CATSPERB: variants seen among roughly 807,000 people sequenced by gnomAD.
The protein encoded by CATSPERB is catsper channel auxiliary subunit beta.
CATSPERB carries 93 observed loss-of-function variants against 128.3 expected under a neutral mutation model. The ratio of observed to expected loss-of-function variants is 0.72; its 90% CI spans 0.61 to 0.86. The LOEUF (loss-of-function observed/expected upper bound fraction) is 0.86, where lower values mean the gene tolerates loss of function less well. CATSPERB is among the 40% of genes least tolerant of loss of function. The pLI is 0.00. For missense variants in CATSPERB, 1,153 were observed against 1,329.5 expected, an observed-to-expected ratio of 0.87 and a Z score of 2.06; for synonymous variants, 381 against 448.8, an observed-to-expected ratio of 0.85 and a Z score of 1.91.
At chr14:91,666,253 C>G (rs892411726) in intron 14 of CATSPERB, among the ~76,000 whole-genome samples, 2 of 152,228 alleles carry the variant, frequency 1.3e-5, no homozygotes. Flanking sequence ...ACTGGCTTAT[C>G]CTTGCCCTAA....
At chr14:91,705,369 G>A (rs544094992) in intron 6 of CATSPERB, among the ~76,000 whole-genome samples, 13 of 152,314 alleles carry the variant, frequency 8.5e-5, no homozygotes, top group East Asian at 5.8e-4. Context: ...AGTAGCAGTG[G>A]TGAACAGGGA....
intron 16 of CATSPERB, among the ~76,000 whole-genome samples, chr14:91,638,732 T>C (rs1894428857): frequency 6.6e-6 from 1 of 152,138 alleles, no homozygotes; most frequent in Admixed American, 6.5e-5. Flanking sequence ...TCACAACCCA[T>C]GTTTCTTCAG....
intron 26 of CATSPERB, among the ~76,000 whole-genome samples, chr14:91,581,405 A>AATGGGC (rs2139751111): frequency 6.6e-6 from 1 of 152,340 alleles, no homozygotes; most frequent in African/African-American, 2.4e-5. Flanking sequence ...GTCTCAGAGG[A>AATGGGC]ATGGGCAAAG....
intron 14 of CATSPERB, among the ~76,000 whole-genome samples, chr14:91,661,686 C>T (rs561744825): frequency 4.6e-5 from 7 of 151,934 alleles, no homozygotes; most frequent in Non-Finnish European, 8.8e-5. Flanking sequence ...GCATAAGCCA[C>T]CATGCCCGGC....
At chr14:91,695,073 A>G (rs1426968281) in intron 7 of CATSPERB, among the ~76,000 whole-genome samples, 2 of 152,128 alleles carry the variant, frequency 1.3e-5, no homozygotes, top group African/African-American at 4.8e-5. Context: ...GAGGAAAACT[A>G]AAGACAAACT....
chr14:91,689,847 T>C (rs937462324), intron 10 of CATSPERB, among the ~76,000 whole-genome samples: 8 of 152,212 alleles, frequency 5.3e-5, no homozygotes, highest in African/African-American at 1.9e-4. Flanking sequence ...TCTTAACTTA[T>C]TCCCCATATT....
chr14:91,714,277 C>CAAAAAAAAAAAAAAAAA (rs35951126), intron 5 of CATSPERB, among the ~76,000 whole-genome samples: 8 of 111,268 alleles, frequency 7.2e-5, no homozygotes, highest in Non-Finnish European at 1.3e-4. Flanking sequence ...TACAATAAGG[C>CAAAAAAAAAAAAAAAAA]AAAAAAAAAA....
At chr14:91,728,020 A>C (rs1282876176) in intron 2 of CATSPERB, among the ~76,000 whole-genome samples, 1 of 152,210 alleles carries the variant, frequency 6.6e-6, no homozygotes, top group African/African-American at 2.4e-5. Context: ...CCCTGCAGAC[A>C]ACCTTGTCTA....
chr14:91,689,414 G>A (rs1895429478), intron 10 of CATSPERB, among the ~76,000 whole-genome samples: 1 of 152,178 alleles, frequency 6.6e-6, no homozygotes, highest in Non-Finnish European at 1.5e-5. Flanking sequence ...AGTGGCCCCA[G>A]CAGCCTTTTT....
At position 91,596,630 on chromosome 14, in the gene CATSPERB, G is replaced by T. The variant is rs562094975; in HGVS notation, c.2710-4628C>A. 3.9e-5 allele frequency among the ~76,000 whole-genome samples: 6 copies of T among 152,226 alleles called. No homozygotes were observed. The South Asian group carries it at 1.2e-3, about 32-fold the overall frequency. ...GACAAGGAAATTTGTTACCTCTGTGGCACAGGATAATTTTAACATAACAAT... is the reference window on the plus strand; with the variant it reads ...GACAAGGAAATTTGTTACCTCTGTGTCACAGGATAATTTTAACATAACAAT... On this transcript the variant is annotated intron_variant, in intron 22 of 26. Coordinates refer to ENST00000256343, the MANE Select transcript of CATSPERB (RefSeq NM_024764.4).
chr14:91,705,531 G>A (rs1013066613), intron 6 of CATSPERB, among the ~76,000 whole-genome samples: 1 of 152,248 alleles, frequency 6.6e-6, no homozygotes, highest in Non-Finnish European at 1.5e-5. Context: ...TCTTTCACGT[G>A]GCAAACCAGG....
chr14:91,583,512 A>T (rs1433115811), intron 26 of CATSPERB, among the ~76,000 whole-genome samples: 1 of 152,208 alleles, frequency 6.6e-6, no homozygotes, highest in Non-Finnish European at 1.5e-5. Flanking sequence ...TTCTCCACCT[A>T]AATTGCTACC....
intron 22 of CATSPERB, among the ~76,000 whole-genome samples, chr14:91,602,514 A>G (rs1332837368): frequency 1.3e-5 from 2 of 152,148 alleles, no homozygotes; most frequent in African/African-American, 4.8e-5. Flanking sequence ...AATACAAAAA[A>G]ATCCACGAGA....
intron 10 of CATSPERB, among the ~76,000 whole-genome samples, chr14:91,684,605 CTTTTTT>C (rs1160778932): frequency 1.2e-3 from 138 of 112,334 alleles, no homozygotes; most frequent in Non-Finnish European, 2.0e-3. Flanking sequence ...GGAGACACTT[CTTTTTT>C]TTTTTTTTTT....
intron 14 of CATSPERB, among the ~76,000 whole-genome samples, chr14:91,668,842 C>G (rs541641125): frequency 6.6e-6 from 1 of 152,282 alleles, no homozygotes; most frequent in East Asian, 1.9e-4. Flanking sequence ...CTGGACACAT[C>G]TGAACATCTA....
intron 15 of CATSPERB, among the ~76,000 whole-genome samples, chr14:91,656,205 A>C (rs1428579893): frequency 1.3e-5 from 2 of 152,312 alleles, no homozygotes; most frequent in East Asian, 3.9e-4. Flanking sequence ...AAGCATAAAT[A>C]AAAAGATATT....
chr14:91,676,943 G>A (rs1895201364), intron 11 of CATSPERB, among the ~76,000 whole-genome samples: 1 of 152,062 alleles, frequency 6.6e-6, no homozygotes, highest in Non-Finnish European at 1.5e-5. Flanking sequence ...TCTCATCTTC[G>A]AAAAACCTGA....
At chr14:91,685,994 A>G (rs546658281) in intron 10 of CATSPERB, among the ~76,000 whole-genome samples, 1 of 152,206 alleles carries the variant, frequency 6.6e-6, no homozygotes, top group Non-Finnish European at 1.5e-5. Context: ...TCTCATGCCA[A>G]ATCCCTAATT....
At chr14:91,669,198 G>C (rs1398068868) in intron 14 of CATSPERB, among the ~76,000 whole-genome samples, 1 of 152,168 alleles carries the variant, frequency 6.6e-6, no homozygotes, top group South Asian at 2.1e-4. Context: ...ACATAATATA[G>C]ATATTTGAGA....
Sources: allele counts gnomAD v4.1 joint callset (sites outside exome capture counted in the v4.1 genomes callset), GRCh38; gene constraint gnomAD v4.1.1; transcripts MANE v1.5; gene names NCBI Gene and HGNC (gene_info 2026-07-23, HGNC 2026-07-21).